Variants in CREBBP observed in about 807,000 individuals in gnomAD.
CREBBP encodes CREB binding lysine acetyltransferase.
CREBBP carries 19 observed loss-of-function variants against 265.0 expected under a neutral mutation model. The ratio of observed to expected loss-of-function variants is 0.07; its 90% confidence interval spans 0.05 to 0.11. The LOEUF is 0.11. CREBBP is among the 10% of genes least tolerant of loss of function. The probability of loss-of-function intolerance (pLI) is 1.00; values close to 1 mark genes in which losing one functional copy is unlikely to be tolerated. For synonymous variants in CREBBP, 1,457 were observed against 1,223.7 expected (o/e 1.19, Z -3.98); for missense variants, 2,525 against 3,219.0 (o/e 0.78, Z 5.22).
In CREBBP at chr16:3,802,114, A is replaced by ATTTTT. The variant is rs71133657; in HGVS notation, c.975+8484_975+8488dup. ...TTTATATTTACTCTGGTATTCCTTA[A>ATTTTT]TTTTTTTTTTTTTTTTTTTTTTTTT... On this transcript the variant is annotated intron_variant, in intron 3 of 30. Transcript: ENST00000262367. 7.3e-3 allele frequency among the ~76,000 whole-genome samples: 372 copies of ATTTTT among 50,634 alleles called. 34 individuals carry two copies. The highest frequency in any genetic ancestry group is 0.014 in the East Asian group (19 of 1,342). The allele number at this position is 50,634 out of a possible 152,430, so 33.2% of individuals were successfully genotyped here.
intron 2 of CREBBP, among the ~76,000 whole-genome samples, chr16:3,821,772 G>A (rs529378506): frequency 1.1e-3 from 166 of 152,370 alleles, no homozygotes; most frequent in South Asian, 2.7e-3. Context: ...GCTCACGCCT[G>A]TAATCCCAGC....
chr16:3,767,537 C>G (rs1235820545), intron 16 of CREBBP, 183 bp downstream of exon 16: 11 of 764,464 alleles, frequency 1.4e-5, no homozygotes, highest in Non-Finnish European at 2.1e-5. Flanking sequence ...GCCCCACAGG[C>G]ACAGGGCAGG....
chr16:3,821,590 TA>T (rs1470295096), intron 2 of CREBBP, among the ~76,000 whole-genome samples: 6 of 152,228 alleles, frequency 3.9e-5, no homozygotes, highest in African/African-American at 7.2e-5. Context: ...TAAGTCCTAA[TA>T]TTTTTTTTTA....
intron 1 of CREBBP, among the ~76,000 whole-genome samples, chr16:3,873,792 G>A (rs1040338598): frequency 6.6e-6 from 1 of 152,132 alleles, no homozygotes; most frequent in Non-Finnish European, 1.5e-5. Context: ...CCATGGGTAC[G>A]GAACTCGGAA....
At chr16:3,765,374 G>T (rs1219962113) in intron 16 of CREBBP, among the ~76,000 whole-genome samples, 1 of 152,230 alleles carries the variant, frequency 6.6e-6, no homozygotes, top group Non-Finnish European at 1.5e-5. Context: ...GGCCACATCA[G>T]GAGGCAGTAC....
chr16:3,826,419 G>C (rs1368580321), intron 2 of CREBBP, among the ~76,000 whole-genome samples: 15 of 152,112 alleles, frequency 9.9e-5, no homozygotes, highest in Admixed American at 9.8e-4. Flanking sequence ...AAAGAGGATG[G>C]CATGGAGGAG....
At chr16:3,781,138 A>T in intron 7 of CREBBP, 66 bp downstream of exon 7, 1 of 1,408,672 alleles carries the variant, frequency 7.1e-7, no homozygotes, top group Non-Finnish European at 1.0e-6. Context: ...AGAAAGAATC[A>T]GTTTTGTGTG....
chr16:3,864,860 C>T (rs1377186973), intron 1 of CREBBP, among the ~76,000 whole-genome samples: 1 of 152,042 alleles, frequency 6.6e-6, no homozygotes, highest in East Asian at 2.0e-4. Context: ...TGAGGTCAGG[C>T]GTTCGAGGCC....
chr16:3,772,901 C>A (rs2053047244), intron 13 of CREBBP, among the ~76,000 whole-genome samples: 1 of 120,244 alleles, frequency 8.3e-6, no homozygotes, highest in East Asian at 2.2e-4. Context: ...GAAATCCCGT[C>A]TCTACTAAAA....
At chr16:3,816,274 C>T (rs1443975308) in intron 2 of CREBBP, among the ~76,000 whole-genome samples, 1 of 152,180 alleles carries the variant, frequency 6.6e-6, no homozygotes, top group African/African-American at 2.4e-5. Context: ...GTTTGAGAAC[C>T]TACTTCTGTT....
At chr16:3,866,635 T>C (rs543784763) in intron 1 of CREBBP, among the ~76,000 whole-genome samples, 33 of 152,154 alleles carry the variant, frequency 2.2e-4, no homozygotes, top group Middle Eastern at 3.4e-3. Context: ...TGAAAGTAAA[T>C]ACATTTATGG....
Position 3,738,577 on chromosome 16 carries a change from T to G in CREBBP, c.4376A>C (p.Glu1459Ala). 6.2e-7 allele frequency: 1 copy of G among 1,610,254 alleles called. No individual in the cohort carries two copies. The highest frequency in any genetic ancestry group is 8.5e-7 in the Non-Finnish European group (1 of 1,176,498). The change falls in exon 26 of 31, where the codon GAG becomes GCG. Residue 1459 changes from glutamate to alanine, a missense_variant. Coordinates refer to ENST00000262367, the MANE Select transcript of CREBBP (RefSeq NM_004380.3). ...AACTCACCCTAATTTCTTCACATAC[T>G]CTAAATATCCAATAAGGATCTCATG... ...VYHEILIGYL[E>A]YVKKLGYVTG...
intron 3 of CREBBP, among the ~76,000 whole-genome samples, chr16:3,800,807 T>G (rs2053697651): frequency 6.6e-6 from 1 of 152,174 alleles, no homozygotes; most frequent in Non-Finnish European, 1.5e-5. Flanking sequence ...AGGAGAAGAC[T>G]GTACAATTAA....
Position 3,880,098 on chromosome 16 carries a change from G to C in CREBBP, c.-182C>G, listed in dbSNP as rs1373271821. 7.4e-6 allele frequency: 2 copies of C among 269,170 alleles called. No individual in the cohort carries two copies. The highest frequency in any genetic ancestry group is 1.1e-4 in the Admixed American group (2 of 17,530). 16.7% of individuals were successfully genotyped at this position (269,170 alleles called of 1,614,324 possible). A position where few individuals can be genotyped will look rare whatever the true frequency, so the allele number is the denominator to read the frequency against. On this transcript the variant is annotated 5_prime_UTR_variant, in exon 1 of 31. Transcript: ENST00000262367. ...TGGGGGAGGCGGCGGCCAAATCTCAGCCACAGCAACAGCGCCCCGCAGCGC... is the reference window on the plus strand; with the variant it reads ...TGGGGGAGGCGGCGGCCAAATCTCACCCACAGCAACAGCGCCCCGCAGCGC...
intron 2 of CREBBP, among the ~76,000 whole-genome samples, chr16:3,838,670 G>T (rs1444999270): frequency 6.6e-6 from 1 of 152,142 alleles, no homozygotes; most frequent in African/African-American, 2.4e-5. Context: ...TTACAGGCAA[G>T]ATTTTCTTTT....
In CREBBP at chr16:3,866,625, T is replaced by C. The variant is rs185169052; in HGVS notation, c.85+13207A>G. ...TTAACTAGTTTTTCTTTTTTCACTA[T>C]GAAAGTAAATACATTTATGGTTTTT... is the stretch of plus-strand genomic sequence containing the variant. On this transcript the variant is annotated intron_variant, in intron 1 of 30. Transcript: ENST00000262367. 4.2e-3 allele frequency among the ~76,000 whole-genome samples: 634 copies of C among 152,266 alleles called. 4 individuals carry two copies. The highest frequency in any genetic ancestry group is 0.014 in the African/African-American group (591 of 41,540).
chr16:3,810,681 G>C lies in CREBBP; in HGVS notation c.897C>G (p.Ser299Arg). The C allele has an allele frequency of 6.2e-7, 1 of 1,613,956 alleles. No homozygotes were observed. Among genetic ancestry groups the C allele is most frequent in the Non-Finnish European group, 8.5e-7 (1 of 1,180,008 alleles). The change falls in exon 3 of 31, where the codon AGC becomes AGG. Residue 299 changes from serine to arginine, a missense_variant. Physicochemically the swap from Ser to Arg is moderately radical, Grantham distance 110. Around this residue, in one of 19 missense-constraint regions of CREBBP, gnomAD observed 126 missense variants for 171.9 expected, o/e 0.73. Transcript: ENST00000262367. ...GATGVNPQLA[S>R]KQSMVNSLPT... ...GCAAACTGTTGACCATGCTCTGTTT[G>C]CTGGCTAACTGGGGGTTCACTCCAG...
At chr16:3,772,410 C>G (rs1294350807) in intron 13 of CREBBP, among the ~76,000 whole-genome samples, 1 of 151,228 alleles carries the variant, frequency 6.6e-6, no homozygotes, top group African/African-American at 2.4e-5. Flanking sequence ...TGGTTCTATA[C>G]TGGGGATACA....
chr16:3,774,667 A>C lies in CREBBP; in HGVS notation c.2185T>G (p.Leu729Val). The change falls in exon 12 of 31, where the codon TTG becomes GTG. Residue 729 changes from leucine (L) to valine (V), a missense_variant. Physicochemically the swap from Leu to Val is conservative, Grantham distance 32. Coordinates refer to ENST00000262367, the MANE Select transcript of CREBBP (RefSeq NM_004380.3). ...GCTTGTGGCAACTGGACGTTCCCCA[A>C]GGACATGGGGTTAAATGAATTCATC... ...QGMNSFNPMSLGNVQLPQAPM... is the reference protein window; with the variant it reads ...QGMNSFNPMSVGNVQLPQAPM... 6.2e-7 allele frequency: 1 copy of C among 1,614,210 alleles called. No homozygotes were observed. The highest frequency in any genetic ancestry group is 8.5e-7 in the Non-Finnish European group (1 of 1,180,028).
Sources: gnomAD v4.1 joint callset for allele counts (sites outside exome capture counted in the v4.1 genomes callset) on GRCh38, gnomAD v4.1.1 for gene constraint, gnomAD v4.1.1 regional missense constraint, MANE v1.5 for transcripts, NCBI Gene and HGNC (gene_info 2026-07-23, HGNC 2026-07-21) for gene names.